The following NF2 variants were observed in gnomAD, a reference collection of about 807,000 sequenced individuals.
NF2 encodes merlin.
Under a neutral mutation model 83.7 loss-of-function variants are expected in NF2, and 8 were observed. That is an observed-to-expected ratio of 0.10 (90% CI 0.06 to 0.17). NF2 has a LOEUF of 0.17. Among genes scored for constraint, NF2 ranks in the 10% least tolerant of loss-of-function variants. NF2 has a pLI of 1.00. For missense variants in NF2, 533 were observed against 744.4 expected, an observed-to-expected ratio of 0.72 and a Z score of 3.31; for synonymous variants, 266 against 269.6, an observed-to-expected ratio of 0.99 and a Z score of 0.13.
At chr22:29,638,475 C>T (rs765542304) in intron 2 of NF2, among the ~76,000 whole-genome samples, 53 of 151,922 alleles carry the variant, frequency 3.5e-4, no homozygotes, top group Non-Finnish European at 5.9e-4. Context: ...CTCAGCCTCC[C>T]GAGTAGCTGG....
intron 3 of NF2, among the ~76,000 whole-genome samples, chr22:29,641,700 C>T (rs766355040): frequency 5.9e-5 from 9 of 152,180 alleles, no homozygotes; most frequent in Non-Finnish European, 1.0e-4. Flanking sequence ...AAAGTTGAAT[C>T]GATCAAATTT....
At chr22:29,613,915 C>A (rs1366633156) in intron 1 of NF2, among the ~76,000 whole-genome samples, 1 of 151,232 alleles carries the variant, frequency 6.6e-6, no homozygotes, top group African/African-American at 2.4e-5. Flanking sequence ...CCTGTCACAA[C>A]GCCCGGCTAA....
At position 29,641,163 on chromosome 22, in the gene NF2, C is replaced by G. The variant is rs192537678; in HGVS notation, c.364-1039C>G. Among the ~76,000 whole-genome samples the G allele has an allele frequency of 2.8e-5, 4 of 144,244 alleles. No individual in the cohort carries two copies. The East Asian group carries it at 7.9e-4, about 28-fold the overall frequency. 94.6% of individuals were successfully genotyped at this position (144,244 alleles called of 152,430 possible). On this transcript the variant is annotated intron_variant, in intron 3 of 15. Coordinates refer to ENST00000338641, the MANE Select transcript of NF2 (RefSeq NM_000268.4). ...GAAAAGGGATGTTCTTGCAGTTTTT[C>G]TATAGCGTTGCTTTTTCCCCCCTCT...
chr22:29,653,116 T>G (rs1380083201), intron 4 of NF2, among the ~76,000 whole-genome samples: 1 of 152,100 alleles, frequency 6.6e-6, no homozygotes, highest in East Asian at 1.9e-4. Context: ...GCCTAAACTG[T>G]GTTACAAAAA....
chr22:29,643,806 C>T (rs1262443086), intron 4 of NF2, among the ~76,000 whole-genome samples: 6 of 152,200 alleles, frequency 3.9e-5, no homozygotes, highest in African/African-American at 1.4e-4. Context: ...AGCTGTTGGG[C>T]ACACCTCCCA....
Position 29,654,725 on chromosome 22 carries a change from G to C in NF2, c.516G>C (p.Arg172Ser), listed in dbSNP as rs1437469963. 1.2e-6 allele frequency: 2 copies of C among 1,611,984 alleles called. No individual in the cohort carries two copies. The highest frequency in any genetic ancestry group is 1.7e-6 in the Non-Finnish European group (2 of 1,178,206). ...CCCAAGAGGAATTGCTTCCAAAAAG[G>C]GTAAGAGATTAAATTCCCTTTTCAG... ...FLAQEELLPK[R>S]VINLYQMTPE... The change falls in exon 5 of 16, where the codon AGG becomes AGC. Residue 172 changes from arginine (R) to serine (S), a missense_variant and splice_region_variant. Coordinates refer to ENST00000338641, the MANE Select transcript of NF2 (RefSeq NM_000268.4).
chr22:29,668,024 C>T (rs1485713274), intron 9 of NF2, among the ~76,000 whole-genome samples: 1 of 152,182 alleles, frequency 6.6e-6, no homozygotes, highest in Non-Finnish European at 1.5e-5. Flanking sequence ...CCTATCCTCC[C>T]TGGTCTGCAG....
intron 15 of NF2, among the ~76,000 whole-genome samples, chr22:29,681,812 G>T (rs569980289): frequency 8.5e-5 from 13 of 152,308 alleles, no homozygotes; most frequent in Non-Finnish European, 1.3e-4. Flanking sequence ...TTGAGCTTGT[G>T]TTAAAAGCTC....
intron 9 of NF2, among the ~76,000 whole-genome samples, chr22:29,666,408 G>A (rs1167456472): frequency 1.3e-5 from 2 of 152,034 alleles, no homozygotes; most frequent in Non-Finnish European, 2.9e-5. Context: ...CAAAGTGCTG[G>A]GATTACAGGC....
At chr22:29,663,578 C>T (rs1399414191) in intron 8 of NF2, among the ~76,000 whole-genome samples, 1 of 152,238 alleles carries the variant, frequency 6.6e-6, no homozygotes, top group Non-Finnish European at 1.5e-5. Flanking sequence ...TTCCCAATGA[C>T]AGCTCCAGGG....
chr22:29,657,698 TG>T (rs2066353911), intron 6 of NF2, among the ~76,000 whole-genome samples: 1 of 152,238 alleles, frequency 6.6e-6, no homozygotes, highest in Non-Finnish European at 1.5e-5. Flanking sequence ...TGATCTGACT[TG>T]GGTTTTACAA....
intron 9 of NF2, 81 bp downstream of exon 9, chr22:29,665,145 G>C: frequency 1.9e-6 from 2 of 1,058,272 alleles, no homozygotes; most frequent in Non-Finnish European, 2.9e-6. Flanking sequence ...GGATATCAGA[G>C]TGACATCTTG....
chr22:29,657,287 G>A (rs575993113), intron 6 of NF2, among the ~76,000 whole-genome samples: 1 of 152,282 alleles, frequency 6.6e-6, no homozygotes, highest in African/African-American at 2.4e-5. Flanking sequence ...TTTGTGGCAT[G>A]TGGCAATAGT....
At chr22:29,638,324 A>G (rs986628466) in intron 2 of NF2, among the ~76,000 whole-genome samples, 15 of 149,890 alleles carry the variant, frequency 1.0e-4, no homozygotes, top group African/African-American at 3.7e-4. Context: ...CTTCATAATG[A>G]TCTAGTTCAT....
chr22:29,638,423 T>C (rs1045861913), intron 2 of NF2, among the ~76,000 whole-genome samples: 1 of 151,756 alleles, frequency 6.6e-6, no homozygotes, highest in Non-Finnish European at 1.5e-5. Flanking sequence ...CAGTCTCGGC[T>C]CACTGCAACC....
At chr22:29,634,835 T>A (rs2065605825) in intron 1 of NF2, among the ~76,000 whole-genome samples, 1 of 152,342 alleles carries the variant, frequency 6.6e-6, no homozygotes, top group East Asian at 1.9e-4. Context: ...TTTGTCCTAT[T>A]GTCAGACTGG....
chr22:29,632,839 G>C (rs533206487), intron 1 of NF2, among the ~76,000 whole-genome samples: 1 of 152,168 alleles, frequency 6.6e-6, no homozygotes, highest in East Asian at 1.9e-4. Flanking sequence ...ACAGTCTCGG[G>C]AGATGTTCAG....
Position 29,659,556 on chromosome 22 carries a change from G to A in NF2, c.675+1292G>A, listed in dbSNP as rs150791031. On this transcript the variant is annotated intron_variant, in intron 7 of 15. Coordinates refer to ENST00000338641, the MANE Select transcript of NF2 (RefSeq NM_000268.4). The stretch of plus-strand genomic sequence containing the variant: ...TTTCCTATATTGAGCAATAGACAAA[G>A]CTACTGGCTATCTTAGTGTCTTTTA... Among the ~76,000 whole-genome samples the A allele has an allele frequency of 2.1e-4, 32 of 152,232 alleles. 1 individual carries two copies. The highest frequency in any genetic ancestry group is 7.2e-4 in the African/African-American group (30 of 41,524).
At position 29,636,411 on chromosome 22, in the gene NF2, A is replaced by G. The variant is rs920299072; in HGVS notation, c.115-340A>G. 6.6e-6 allele frequency among the ~76,000 whole-genome samples: 1 copy of G among 152,210 alleles called. No individual in the cohort carries two copies. Among genetic ancestry groups the G allele is most frequent in the South Asian group, 2.1e-4 (1 of 4,828 alleles). ...GAATGAATGTCCCTAGAAGCTAGCC[A>G]TCTCCCCGAGTTAACTTAAGAGGCT... is the stretch of plus-strand genomic sequence containing the variant. On this transcript the variant is annotated intron_variant, in intron 1 of 15. Coordinates refer to ENST00000338641, the MANE Select transcript of NF2 (RefSeq NM_000268.4). This position sits in a 1 kb window ranked among gnomAD's most constrained non-coding sequence, Gnocchi z 4.4.
Sources: allele counts gnomAD v4.1 joint callset (sites outside exome capture counted in the v4.1 genomes callset), GRCh38; gene constraint gnomAD v4.1.1; non-coding constraint Gnocchi (gnomAD v3.1); transcripts MANE v1.5; gene names NCBI Gene and HGNC (gene_info 2026-07-23, HGNC 2026-07-21).